Variants in ST3GAL3 observed in about 807,000 individuals in gnomAD.
ST3GAL3 encodes ST3 beta-galactoside alpha-2,3-sialyltransferase 3.
Under a neutral mutation model 50.1 loss-of-function variants are expected in ST3GAL3, and 21 were observed. The ratio of observed to expected loss-of-function variants is 0.42; its 90% CI spans 0.30 to 0.60. ST3GAL3 has a LOEUF of 0.60. Among genes scored for constraint, ST3GAL3 ranks in the 20% least tolerant of loss-of-function variants. The probability of loss-of-function intolerance (pLI) is 0.19; values close to 1 mark genes in which losing one functional copy is unlikely to be tolerated. For synonymous variants in ST3GAL3, 183 were observed against 190.0 expected (o/e 0.96, Z 0.30); for missense variants, 353 against 489.4 (o/e 0.72, Z 2.63).
intron 2 of ST3GAL3, among the ~76,000 whole-genome samples, chr1:43,786,957 C>T (rs1558296668): frequency 6.6e-6 from 1 of 152,226 alleles, no homozygotes; most frequent in East Asian, 1.9e-4. Context: ...ATAAGTATAC[C>T]CCAAAAGGTA....
chr1:43,727,905 T>C (rs1400204473), intron 1 of ST3GAL3, among the ~76,000 whole-genome samples: 1 of 152,182 alleles, frequency 6.6e-6, no homozygotes, highest in Non-Finnish European at 1.5e-5. Context: ...CAGTGATACA[T>C]GTTCAGGTTT....
intron 5 of ST3GAL3, among the ~76,000 whole-genome samples, chr1:43,893,661 T>C (rs926446935): frequency 1.3e-5 from 2 of 152,160 alleles, no homozygotes; most frequent in African/African-American, 4.8e-5. Context: ...TCTCTCGCCT[T>C]TGCCCCCATC....
At chr1:43,756,058 A>G (rs1000728495) in intron 2 of ST3GAL3, among the ~76,000 whole-genome samples, 4 of 134,344 alleles carry the variant, frequency 3.0e-5, no homozygotes, top group Non-Finnish European at 4.6e-5. Flanking sequence ...CTATAATTGC[A>G]CTATTGTACT....
At chr1:43,813,903 G>GCA (rs57672840) in intron 3 of ST3GAL3, among the ~76,000 whole-genome samples, 71 of 125,882 alleles carry the variant, frequency 5.6e-4, no homozygotes, top group Admixed American at 3.8e-4. Context: ...ACGCACACAC[G>GCA]CACACACACA....
At chr1:43,761,020 T>A (rs1460659254) in intron 2 of ST3GAL3, among the ~76,000 whole-genome samples, 1 of 152,152 alleles carries the variant, frequency 6.6e-6, no homozygotes, top group Non-Finnish European at 1.5e-5. Context: ...CAGGCAAATC[T>A]ATAGAGTCAG....
chr1:43,915,856 C>T (rs1472399864), intron 9 of ST3GAL3, among the ~76,000 whole-genome samples: 1 of 152,204 alleles, frequency 6.6e-6, no homozygotes, highest in Non-Finnish European at 1.5e-5. Flanking sequence ...CAGTGGCTCA[C>T]GCCTGTAATC....
chr1:43,917,567 TATATA>T (rs1171744854), intron 9 of ST3GAL3, among the ~76,000 whole-genome samples: 3 of 81,682 alleles, frequency 3.7e-5, no homozygotes, highest in African/African-American at 5.1e-5. Context: ...TATATTATAT[TATATA>T]ATATATTACG....
Position 43,864,235 on chromosome 1 carries a change from G to A in ST3GAL3, c.302+25924G>A, listed in dbSNP as rs550362676. Among the ~76,000 whole-genome samples, 63 of 152,302 alleles carry A rather than the reference G, an allele frequency of 4.1e-4. 1 individual carries two copies. The South Asian group carries it at 0.011, about 28-fold the overall frequency. On this transcript the variant is annotated intron_variant, in intron 5 of 11. Transcript: ENST00000347631. Reference sequence around the variant, plus strand: ...GGAGGTTGCAGTGAGCTGAGCTGGCGCCATTGCACTCCAGCCTGGGCAACA... The same window carrying A: ...GGAGGTTGCAGTGAGCTGAGCTGGCACCATTGCACTCCAGCCTGGGCAACA...
At chr1:43,837,678 T>G (rs2064601379) in intron 4 of ST3GAL3, among the ~76,000 whole-genome samples, 1 of 152,142 alleles carries the variant, frequency 6.6e-6, no homozygotes, top group African/African-American at 2.4e-5. Flanking sequence ...TGCAAAGAAT[T>G]ATGAGTTTGA....
chr1:43,840,107 C>G (rs186113212), intron 5 of ST3GAL3: 2 of 151,438 alleles, frequency 1.3e-5, no homozygotes, highest in African/African-American at 4.9e-5. Context: ...TGGCTCACTG[C>G]AGCCTTGACC....
chr1:43,728,302 G>T (rs1032182784), intron 1 of ST3GAL3, among the ~76,000 whole-genome samples: 16 of 152,100 alleles, frequency 1.1e-4, no homozygotes, highest in Admixed American at 6.5e-4. Context: ...TCGCACCATT[G>T]CACTCCAGCC....
intron 4 of ST3GAL3, among the ~76,000 whole-genome samples, chr1:43,827,706 TC>T (rs971452499): frequency 6.6e-6 from 1 of 151,960 alleles, no homozygotes; most frequent in African/African-American, 2.4e-5. Context: ...AGAGTCAGGG[TC>T]CGCTATGTTG....
chr1:43,766,903 A>C (rs1019560981), intron 2 of ST3GAL3, among the ~76,000 whole-genome samples: 1 of 152,160 alleles, frequency 6.6e-6, no homozygotes, highest in Non-Finnish European at 1.5e-5. Context: ...AAGATGAATG[A>C]ATAAGATGAG....
At chr1:43,844,285 A>G (rs913229229) in intron 5 of ST3GAL3, among the ~76,000 whole-genome samples, 2 of 152,118 alleles carry the variant, frequency 1.3e-5, no homozygotes, top group African/African-American at 4.8e-5. Context: ...CCCATCCCCG[A>G]GGTCAGAGGG....
At chr1:43,815,883 T>TGGATGGATGGA (rs372282984) in intron 4 of ST3GAL3, among the ~76,000 whole-genome samples, 2 of 145,282 alleles carry the variant, frequency 1.4e-5, no homozygotes, top group African/African-American at 5.2e-5. Flanking sequence ...GAATGCTTGG[T>TGGATGGATGGA]TGGATGGATG....
intron 5 of ST3GAL3, among the ~76,000 whole-genome samples, chr1:43,845,977 T>TCAGAGGGTGCTC (rs2066188078): frequency 2.6e-5 from 4 of 152,262 alleles, no homozygotes; most frequent in African/African-American, 4.8e-5. Context: ...ATTTCTGATT[T>TCAGAGGGTGCTC]ATTTTTGCTG....
chr1:43,745,713 C>T (rs1457223323), intron 2 of ST3GAL3, among the ~76,000 whole-genome samples: 1 of 152,224 alleles, frequency 6.6e-6, no homozygotes, highest in Non-Finnish European at 1.5e-5. Context: ...ACTGCAGCCT[C>T]CGCCCTCTGG....
intron 2 of ST3GAL3, among the ~76,000 whole-genome samples, chr1:43,742,650 G>A (rs1681476108): frequency 6.6e-6 from 1 of 152,144 alleles, no homozygotes; most frequent in African/African-American, 2.4e-5. Context: ...GTTGCACTTA[G>A]CAGACAAAGT....
At chr1:43,851,295 G>A (rs771143940) in intron 5 of ST3GAL3, 3 of 1,559,180 alleles carry the variant, frequency 1.9e-6, no homozygotes, top group Non-Finnish European at 2.7e-6. Context: ...CCGTGGGTCA[G>A]GTGACCCCCA....
Sources: allele counts gnomAD v4.1 joint callset (sites outside exome capture counted in the v4.1 genomes callset), GRCh38; gene constraint gnomAD v4.1.1; transcripts MANE v1.5; gene names NCBI Gene and HGNC (gene_info 2026-07-23, HGNC 2026-07-21).